The following FAM227A variants were observed in gnomAD, a reference collection of about 807,000 sequenced individuals.
FAM227A encodes protein FAM227A.
A neutral mutation model predicts 74.7 loss-of-function variants in FAM227A; 80 were observed. That is an observed-to-expected ratio of 1.07 (90% CI 0.89 to 1.29). FAM227A has a LOEUF of 1.29. FAM227A is among the 50% of genes most tolerant of loss of function. The pLI is 0.00. For synonymous variants in FAM227A, 237 were observed against 241.8 expected (o/e 0.98, Z 0.19); for missense variants, 654 against 683.4 (o/e 0.96, Z 0.48).
Position 38,585,870 on chromosome 22 carries a change from C to A in FAM227A, c.*255G>T. 1.3e-6 allele frequency: 1 copy of A among 775,492 alleles called. No individual in the cohort carries two copies. The highest frequency in any genetic ancestry group is 2.0e-6 in the Non-Finnish European group (1 of 507,350). The allele number at this position is 775,492 out of a possible 1,614,324, so 48.0% of individuals were successfully genotyped here. On this transcript the variant is annotated 3_prime_UTR_variant, in exon 17 of 17. Coordinates refer to ENST00000535113, the MANE Select transcript of FAM227A (RefSeq NM_001013647.2). ...TGTATGAGGTCATATTTGTAACATA[C>A]TTACCAGCATGCACGTAATAAAATA...
intron 3 of FAM227A, among the ~76,000 whole-genome samples, chr22:38,643,104 C>T (rs2092150443): frequency 6.6e-6 from 1 of 151,862 alleles, no homozygotes; most frequent in South Asian, 2.1e-4. Flanking sequence ...CACCTGAGGT[C>T]AGGAGGTCGA....
intron 11 of FAM227A, among the ~76,000 whole-genome samples, chr22:38,608,531 A>G (rs190833759): frequency 1.3e-5 from 2 of 151,906 alleles, no homozygotes; most frequent in African/African-American, 2.4e-5. Context: ...CCCGGGTTCA[A>G]GCAATTCTCT....
At chr22:38,598,076 G>T (rs1167537872) in intron 14 of FAM227A, among the ~76,000 whole-genome samples, 5 of 144,740 alleles carry the variant, frequency 3.5e-5, no homozygotes, top group Admixed American at 6.9e-5. Context: ...TTCTCCCTCT[G>T]CTCTGCCCTC....
At position 38,645,659 on chromosome 22, in the gene FAM227A, C is replaced by G. The variant is rs1365617949; in HGVS notation, c.143-14G>C. The G allele has an allele frequency of 6.5e-7, 1 of 1,536,322 alleles. No individual in the cohort carries two copies. Among genetic ancestry groups the G allele is most frequent in the South Asian group, 1.2e-5 (1 of 83,468 alleles). ...CAATAAGGCATGCTGGGAGGTTAGT[C>G]TGCTAAGGAAACTCAGGGTGATGAT... is the stretch of plus-strand genomic sequence containing the variant. On this transcript the variant is annotated splice_polypyrimidine_tract_variant and intron_variant, in intron 2 of 16. Transcript: ENST00000535113.
chr22:38,633,837 G>C (rs2091955695), intron 6 of FAM227A, among the ~76,000 whole-genome samples: 1 of 152,098 alleles, frequency 6.6e-6, no homozygotes, highest in South Asian at 2.1e-4. Context: ...ACTGTGCCCG[G>C]CCTATCATCT....
chr22:38,646,098 CT>C (rs915370061), intron 2 of FAM227A, among the ~76,000 whole-genome samples: 5 of 151,628 alleles, frequency 3.3e-5, no homozygotes, highest in African/African-American at 9.7e-5. Flanking sequence ...ATTTCTTTAT[CT>C]TGTTTTAAAT....
chr22:38,595,534 G>C (rs1405670202), intron 15 of FAM227A, among the ~76,000 whole-genome samples: 2 of 152,210 alleles, frequency 1.3e-5, no homozygotes, highest in Admixed American at 6.5e-5. Flanking sequence ...TAGTTAATCA[G>C]GCAAAGACCA....
chr22:38,583,171 CTT>C lies in FAM227A; in HGVS notation c.*2952_*2953del, dbSNP rs34386912. ...CACGTTCTGGTTTCAGAAGACTATA[CTT>C]TTTTTTTTTTTTTTTTGAGATGGAG... On this transcript the variant is annotated 3_prime_UTR_variant, in exon 17 of 17. Transcript: ENST00000535113. 0.015 allele frequency: 3,689 copies of C among 242,036 alleles called. No homozygotes were observed. Among genetic ancestry groups the C allele is most frequent in the South Asian group, 0.028 (488 of 17,682 alleles). 15.0% of individuals were successfully genotyped at this position (242,036 alleles called of 1,614,324 possible). A position where few individuals can be genotyped will look rare whatever the true frequency, so the allele number is the denominator to read the frequency against.
rs1268989825 is a variant in FAM227A at position 38,613,276 on chromosome 22, AT to A, written c.1039-5801del. Among the ~76,000 whole-genome samples the A allele has an allele frequency of 2.3e-5, 2 of 86,266 alleles. 1 individual carries two copies. The highest frequency in any genetic ancestry group is 5.4e-4 in the East Asian group (2 of 3,694). The allele number at this position is 86,266 out of a possible 152,430, so 56.6% of individuals were successfully genotyped here. On this transcript the variant is annotated intron_variant, in intron 11 of 16. Coordinates refer to ENST00000535113, the MANE Select transcript of FAM227A (RefSeq NM_001013647.2). ...TAACATATATTATAACATATATTAT[AT>A]ATCATATATAATATATATCATATAT...
At chr22:38,626,913 T>TATATATACAC (rs34078214) in intron 8 of FAM227A, among the ~76,000 whole-genome samples, 10 of 89,834 alleles carry the variant, frequency 1.1e-4, no homozygotes, top group East Asian at 7.6e-4. Flanking sequence ...TATATATATA[T>TATATATACAC]ACACGTATAT....
chr22:38,615,837 C>T (rs1483223020), intron 11 of FAM227A, among the ~76,000 whole-genome samples: 5 of 152,122 alleles, frequency 3.3e-5, no homozygotes, highest in Non-Finnish European at 5.9e-5. Flanking sequence ...AAGAAAGGAG[C>T]CCAGGTGGCA....
intron 15 of FAM227A, among the ~76,000 whole-genome samples, chr22:38,595,988 A>G (rs1436476288): frequency 6.6e-6 from 1 of 151,646 alleles, no homozygotes; most frequent in African/African-American, 2.4e-5. Flanking sequence ...GGGGCAGGAT[A>G]CTGTTATAGA....
In FAM227A at chr22:38,582,241, T is replaced by G; in HGVS notation, c.*3884A>C. ...TTCCCTCCTATCCCCTCTCCAGCTA[T>G]CCCTCCTGTTCTTCAGGAAACTGTA... On this transcript the variant is annotated 3_prime_UTR_variant, in exon 17 of 17. Coordinates refer to ENST00000535113, the MANE Select transcript of FAM227A (RefSeq NM_001013647.2). The G allele has an allele frequency of 8.4e-7, 1 of 1,184,112 alleles. No homozygotes were observed. The allele number at this position is 1,184,112 out of a possible 1,614,324, so 73.4% of individuals were successfully genotyped here.
rs1394929908 is a variant in FAM227A at position 38,607,710 on chromosome 22, CCAGT to C, written c.1039-238_1039-235del. On this transcript the variant is annotated intron_variant, in intron 11 of 16. Transcript: ENST00000535113. ...CTGGGGACCCAGGGCAACCAGGGTT[CCAGT>C]CCCAATTCTCTCACTCAACAGCCAG... 3.3e-5 allele frequency among the ~76,000 whole-genome samples: 5 copies of C among 152,262 alleles called. No homozygotes were observed. In the East Asian group the frequency reaches 9.7e-4, roughly 29 times the overall value.
In FAM227A at chr22:38,580,484, C is replaced by G. The variant is rs541015533; in HGVS notation, c.*5641G>C. The G allele has an allele frequency of 6.6e-6, 1 of 152,198 alleles. No individual in the cohort carries two copies. Among genetic ancestry groups the G allele is most frequent in the African/African-American group, 2.4e-5 (1 of 41,506 alleles). The allele number at this position is 152,198 out of a possible 1,614,324, so 9.4% of individuals were successfully genotyped here. A position where few individuals can be genotyped will look rare whatever the true frequency, so the allele number is the denominator to read the frequency against. On this transcript the variant is annotated 3_prime_UTR_variant, in exon 17 of 17. Coordinates refer to ENST00000535113, the MANE Select transcript of FAM227A (RefSeq NM_001013647.2). ...ACTATTTGATAGGTGGTCTTATGGT[C>G]TAGTATCAAAAGGCATTTAATAGCT...
intron 3 of FAM227A, among the ~76,000 whole-genome samples, chr22:38,642,776 A>G (rs953810652): frequency 3.3e-5 from 5 of 151,830 alleles, no homozygotes; most frequent in Non-Finnish European, 7.4e-5. Context: ...TCTCTACTAA[A>G]AATACAAAAA....
chr22:38,654,321 T>G (rs2092360739), intron 1 of FAM227A, among the ~76,000 whole-genome samples: 1 of 151,518 alleles, frequency 6.6e-6, no homozygotes, highest in Non-Finnish European at 1.5e-5. Context: ...CACTCCAGCC[T>G]GGGCAACAAG....
rs1416572118 is a variant in FAM227A at position 38,605,315 on chromosome 22, G to C, written c.1160C>G (p.Pro387Arg). ...TGATATCCTCTTGACTTCTTGCGTA[G>C]GTTTCTTCAAGACCAGGGTCTGACA... ...HHCQTLVLKK[P>R]TQEVKRISEA... is the part of the protein sequence containing the mutation. Residue 387 changes from proline to arginine, a missense_variant, in exon 13 of 17, where the codon CCT becomes CGT. Coordinates refer to ENST00000535113, the MANE Select transcript of FAM227A (RefSeq NM_001013647.2). 2.6e-6 allele frequency: 4 copies of C among 1,550,688 alleles called. No homozygotes were observed. Among genetic ancestry groups the C allele is most frequent in the South Asian group, 1.2e-5 (1 of 83,972 alleles).
intron 11 of FAM227A, among the ~76,000 whole-genome samples, chr22:38,619,939 C>T (rs1733818444): frequency 6.6e-6 from 1 of 152,170 alleles, no homozygotes; most frequent in African/African-American, 2.4e-5. Context: ...GTAAAAGCAT[C>T]TTGCACTGCA....
Sources: gnomAD v4.1 joint callset for allele counts (sites outside exome capture counted in the v4.1 genomes callset) on GRCh38, gnomAD v4.1.1 for gene constraint, MANE v1.5 for transcripts, NCBI Gene and HGNC (gene_info 2026-07-23, HGNC 2026-07-21) for gene names.